SBF2: variants seen among roughly 807,000 people sequenced by gnomAD.
The protein encoded by SBF2 is SET binding factor 2, also known as myotubularin-related protein 13.
In SBF2, 112 loss-of-function variants were observed where a neutral mutation model predicts 225.2. The observed-to-expected ratio is 0.50, with a 90% CI of 0.43 to 0.58. The LOEUF (loss-of-function observed/expected upper bound fraction) is 0.58. Ranked by LOEUF, SBF2 falls within the 20% of genes least tolerant of loss-of-function variation. The pLI is 0.00. For synonymous variants in SBF2, 763 were observed against 773.3 expected (o/e 0.99, Z 0.22); for missense variants, 1,996 against 2,206.2 (o/e 0.90, Z 1.91).
intron 28 of SBF2, among the ~76,000 whole-genome samples, chr11:9,824,137 C>G (rs1564885689): frequency 6.6e-6 from 1 of 152,114 alleles, no homozygotes; most frequent in Non-Finnish European, 1.5e-5. Context: ...GTAAATACAG[C>G]CTTCTGGGTG....
rs373423157 is a variant in SBF2 at position 10,063,858 on chromosome 11, C to CACACAGAGAGAGAGAGAGAG, written c.142-20878_142-20877insCTCTCTCTCTCTCTCTGTGT. Among the ~76,000 whole-genome samples the CACACAGAGAGAGAGAGAGAG allele has an allele frequency of 5.5e-3, 748 of 136,082 alleles. 22 individuals are homozygous for CACACAGAGAGAGAGAGAGAG. Among genetic ancestry groups the CACACAGAGAGAGAGAGAGAG allele is most frequent in the Admixed American group, 0.03 (390 of 12,868 alleles). The allele number at this position is 136,082 out of a possible 152,430, so 89.3% of individuals were successfully genotyped here. ...ACACACACACACACACACACACACA[C>CACACAGAGAGAGAGAGAGAG]AGAGAGAGAGAGAGAGAGAGAGAAA... On this transcript the variant is annotated intron_variant, in intron 2 of 39. Transcript: ENST00000256190.
At chr11:10,020,510 T>G (rs923769025) in intron 6 of SBF2, among the ~76,000 whole-genome samples, 2 of 152,096 alleles carry the variant, frequency 1.3e-5, no homozygotes, top group Non-Finnish European at 2.9e-5. Context: ...AGTTGCCCGC[T>G]TGGCCCAATT....
At chr11:9,806,623 C>T (rs1341191021) in intron 32 of SBF2, among the ~76,000 whole-genome samples, 2 of 152,140 alleles carry the variant, frequency 1.3e-5, no homozygotes, top group Non-Finnish European at 2.9e-5. Flanking sequence ...TTTAAAGGTA[C>T]ATGCTTAACC....
rs548937285 is a variant in SBF2, at chr11:10,155,470, T to C, written c.141+38432A>G. Among the ~76,000 whole-genome samples, 172 of 152,268 alleles carry C rather than the reference T, an allele frequency of 1.1e-3. 1 individual carries two copies. The highest frequency in any genetic ancestry group is 6.2e-4 in the South Asian group (3 of 4,822). On this transcript the variant is annotated intron_variant, in intron 2 of 39. Transcript: ENST00000256190. The stretch of plus-strand genomic sequence containing the variant: ...ACATTCAAATATATATTATTTCCAT[T>C]TATTTGTTTTTTTAAAGGGGAACTT...
intron 16 of SBF2, among the ~76,000 whole-genome samples, chr11:9,927,456 C>T (rs1172066967): frequency 3.3e-5 from 5 of 152,066 alleles, no homozygotes; most frequent in Non-Finnish European, 7.4e-5. Context: ...CAAGTTAAAC[C>T]GGATGCAGTA....
intron 16 of SBF2, among the ~76,000 whole-genome samples, chr11:9,948,536 G>T (rs1396260795): frequency 6.6e-6 from 1 of 151,878 alleles, no homozygotes; most frequent in East Asian, 1.9e-4. Context: ...TATTTTCCTT[G>T]CCCTACTCCT....
intron 2 of SBF2, among the ~76,000 whole-genome samples, chr11:10,184,455 T>TCATGGGTGA (rs1956856202): frequency 6.6e-6 from 1 of 152,222 alleles, no homozygotes; most frequent in Non-Finnish European, 1.5e-5. Flanking sequence ...AAAAGTTAAC[T>TCATGGGTGA]ACAGTAAAAT....
chr11:9,981,425 T>C (rs1213123307), intron 13 of SBF2, among the ~76,000 whole-genome samples: 1 of 152,170 alleles, frequency 6.6e-6, no homozygotes, highest in African/African-American at 2.4e-5. Context: ...AGCTAACAAA[T>C]CTGCACATGT....
chr11:9,893,930 T>C (rs919257550), intron 17 of SBF2, among the ~76,000 whole-genome samples: 12 of 152,200 alleles, frequency 7.9e-5, no homozygotes, highest in Non-Finnish European at 1.6e-4. Context: ...TAATCCCCTA[T>C]TACTACTTAA....
intron 1 of SBF2, among the ~76,000 whole-genome samples, chr11:10,271,761 G>T (rs1962506653): frequency 8.9e-6 from 1 of 112,438 alleles, no homozygotes; most frequent in South Asian, 3.0e-4. Flanking sequence ...ACTCACTTAT[G>T]AAAGAGGTGC....
chr11:9,886,835 G>C (rs1860360644), intron 17 of SBF2, among the ~76,000 whole-genome samples: 1 of 151,846 alleles, frequency 6.6e-6, no homozygotes, highest in South Asian at 2.1e-4. Context: ...TCCTCCTTGG[G>C]TCACCAGGAA....
chr11:9,986,614 C>G (rs778940928), intron 13 of SBF2, among the ~76,000 whole-genome samples: 2 of 152,056 alleles, frequency 1.3e-5, no homozygotes, highest in Non-Finnish European at 2.9e-5. Context: ...ACACCTGACA[C>G]CACTGAAATA....
chr11:9,872,543 C>T (rs7112830), intron 17 of SBF2, among the ~76,000 whole-genome samples: 51,857 of 151,966 alleles, frequency 0.34, 10,433 homozygotes, highest in African/African-American at 0.55. Flanking sequence ...ATAGCAAATA[C>T]AAACATGCAA....
chr11:10,226,906 T>C (rs1958589489), intron 1 of SBF2, among the ~76,000 whole-genome samples: 1 of 151,988 alleles, frequency 6.6e-6, no homozygotes, highest in African/African-American at 2.4e-5. Flanking sequence ...AATCGCTGAC[T>C]TCCACAATGG....
At chr11:9,917,680 C>CT (rs140013793) in intron 16 of SBF2, among the ~76,000 whole-genome samples, 2,305 of 148,900 alleles carry the variant, frequency 0.015, 133 homozygotes, top group African/African-American at 0.053. Context: ...GTATTCCTCA[C>CT]TTTTTTTTTT....
intron 1 of SBF2, among the ~76,000 whole-genome samples, chr11:10,206,676 C>A (rs1346539645): frequency 2.6e-5 from 4 of 151,894 alleles, no homozygotes; most frequent in Non-Finnish European, 4.4e-5. Flanking sequence ...AATTATAAAA[C>A]TAAAAAATAA....
intron 13 of SBF2, among the ~76,000 whole-genome samples, chr11:9,977,991 A>G (rs766503983): frequency 6.6e-5 from 10 of 152,232 alleles, no homozygotes; most frequent in Non-Finnish European, 1.5e-4. Context: ...AAGTATTTAC[A>G]AACATCTGAA....
intron 1 of SBF2, among the ~76,000 whole-genome samples, chr11:10,198,798 A>G (rs1243086951): frequency 6.6e-6 from 1 of 152,220 alleles, no homozygotes; most frequent in Admixed American, 6.5e-5. Flanking sequence ...TTATAGAGAC[A>G]GCTTCTTTTC....
intron 20 of SBF2, 101 bp downstream of exon 20, chr11:9,853,439 A>T: frequency 2.0e-6 from 2 of 1,003,618 alleles, no homozygotes; most frequent in South Asian, 2.6e-5. Context: ...ATAAATAAAT[A>T]GCATGGCTGA....
Sources: allele counts gnomAD v4.1 joint callset (sites outside exome capture counted in the v4.1 genomes callset), GRCh38; gene constraint gnomAD v4.1.1; transcripts MANE v1.5; gene names NCBI Gene and HGNC (gene_info 2026-07-23, HGNC 2026-07-21).